EPHX3: variants seen among roughly 807,000 people sequenced by gnomAD.
The protein encoded by EPHX3 is abhydrolase domain containing 9.
A neutral mutation model predicts 40.2 loss-of-function variants in EPHX3; 39 were observed. That is an observed-to-expected ratio of 0.97 (90% CI 0.75 to 1.27). EPHX3 has a LOEUF of 1.27. Among genes scored for constraint, EPHX3 ranks in the 50% most tolerant of loss-of-function variants. The pLI, the probability that EPHX3 is intolerant of heterozygous loss-of-function variation, is 0.00. For synonymous variants in EPHX3, 213 were observed against 209.7 expected (o/e 1.02, Z -0.14); for missense variants, 442 against 474.0 (o/e 0.93, Z 0.63).
In EPHX3 at chr19:15,227,314, C is replaced by A. The variant is rs936566911; in HGVS notation, c.*123G>T. The stretch of plus-strand genomic sequence containing the variant: ...TTGTGTGGGATCCAGGAGTCCCATG[C>A]CTATGAGCGATTCAAGAGTTCACCC... On this transcript the variant is annotated 3_prime_UTR_variant, in exon 7 of 7. Coordinates refer to ENST00000221730, the MANE Select transcript of EPHX3 (RefSeq NM_024794.3). The A allele has an allele frequency of 3.7e-6, 3 of 804,298 alleles. No individual in the cohort carries two copies. The African/African-American group carries it at 5.1e-5, about 14-fold the overall frequency. 49.8% of individuals were successfully genotyped at this position (804,298 alleles called of 1,614,324 possible).
intron 1 of EPHX3, 24 bp from the exon 2 acceptor site, chr19:15,231,885 G>T (rs770499992): frequency 5.0e-6 from 8 of 1,613,426 alleles, no homozygotes; most frequent in Non-Finnish European, 5.9e-6. Context: ...ACAGCCTGAA[G>T]CCTGGGGAAC....
upstream of EPHX3, among the ~76,000 whole-genome samples, chr19:15,232,638 A>G (rs1727699470): frequency 6.6e-6 from 1 of 152,090 alleles, no homozygotes; most frequent in Admixed American, 6.5e-5. Context: ...GCACTTTGGT[A>G]GGCCGAGGCG....
rs2047118261 is a variant in EPHX3, at chr19:15,227,222, C to T, written c.*215G>A. On this transcript the variant is annotated 3_prime_UTR_variant, in exon 7 of 7. Transcript: ENST00000221730. ...TCCCAGGGTCAAAGTGTTTGTTACA[C>T]ACACATGCATCCATGCCTGTGTGTG... The T allele has an allele frequency of 1.7e-6, 1 of 576,224 alleles. No individual in the cohort carries two copies. The highest frequency in any genetic ancestry group is 3.1e-6 in the Non-Finnish European group (1 of 322,740). 35.7% of individuals were successfully genotyped at this position (576,224 alleles called of 1,614,324 possible).
At chr19:15,229,750 C>G (rs578157507) in intron 4 of EPHX3, among the ~76,000 whole-genome samples, 1 of 149,062 alleles carries the variant, frequency 6.7e-6, no homozygotes, top group Non-Finnish European at 1.5e-5. Flanking sequence ...AAAATTAGCC[C>G]GGCATGGTGG....
upstream of EPHX3, chr19:15,235,958 G>A (rs1232053652): frequency 2.0e-5 from 3 of 152,244 alleles, no homozygotes; most frequent in African/African-American, 7.2e-5. Flanking sequence ...ACAAAAATGA[G>A]TGGGTGGGAT....
intron 1 of EPHX3, 26 bp downstream of exon 1, chr19:15,231,943 C>A (rs750496667): frequency 8.7e-6 from 14 of 1,612,480 alleles, no homozygotes; most frequent in Non-Finnish European, 1.1e-5. Flanking sequence ...GACCCCGCAG[C>A]CCCGATAGCG....
At chr19:15,229,907 A>AAAAAAAAAAAAAC (rs1203339827) in intron 4 of EPHX3, among the ~76,000 whole-genome samples, 3 of 140,254 alleles carry the variant, frequency 2.1e-5, no homozygotes, top group African/African-American at 2.7e-5. Context: ...AAAAAAAAAA[A>AAAAAAAAAAAAAC]AAAAGAAAAG....
chr19:15,232,168 A>AGGCGCGAC lies in EPHX3; in HGVS notation c.36_43dup (p.Leu15ArgfsTer6). 1.3e-6 allele frequency: 2 copies of AGGCGCGAC among 1,524,792 alleles called. No homozygotes were observed. Among genetic ancestry groups the AGGCGCGAC allele is most frequent in the African/African-American group, 2.8e-5 (2 of 70,598 alleles). 94.5% of individuals were successfully genotyped at this position (1,524,792 alleles called of 1,614,324 possible). ...GAAGGCGCGCAGCAGCTTCAGCGACAGGCGCGACGGCGCCAGCAGCGCGGT... is the reference window on the plus strand; with the variant it reads ...GAAGGCGCGCAGCAGCTTCAGCGACAGGCGCGACGGCGCGACGGCGCCAGCAGCGCGGT... On this transcript the variant is annotated frameshift_variant, in exon 1 of 7. Transcript: ENST00000221730. LOFTEE classifies it high-confidence loss of function.
chr19:15,230,932 C>T, intron 4 of EPHX3, 30 bp downstream of exon 4: 2 of 1,611,280 alleles, frequency 1.2e-6, no homozygotes, highest in Non-Finnish European at 1.7e-6. Context: ...CACATAAGTA[C>T]ATCCCAGTGT....
At chr19:15,227,957 G>A (rs377436780) in intron 5 of EPHX3, 40 bp downstream of exon 5, 27 of 1,613,884 alleles carry the variant, frequency 1.7e-5, no homozygotes, top group Admixed American at 1.3e-4. Flanking sequence ...GCCCAGCCCC[G>A]ACCTGCTTCC....
At position 15,227,606 on chromosome 19, in the gene EPHX3, T is replaced by C. The variant is rs373027669; in HGVS notation, c.914A>G (p.Glu305Gly). The change falls in exon 7 of 7, where the codon GAG becomes GGG. Residue 305 changes from glutamate to glycine, a missense_variant. Coordinates refer to ENST00000221730, the MANE Select transcript of EPHX3 (RefSeq NM_024794.3). ...LTTPTLLLWG[E>G]KDTYLELGLV... is the part of the protein sequence containing the mutation. ...CCCCAGCTCCAAGTAAGTGTCCTTC[T>C]CCCCCCACAGCAGCAATGTGGGTGT... 11 of 1,613,728 alleles carry C rather than the reference T, an allele frequency of 6.8e-6. No homozygotes were observed. Among genetic ancestry groups the C allele is most frequent in the Non-Finnish European group, 9.3e-6 (11 of 1,179,996 alleles).
Position 15,227,854 on chromosome 19 carries a change from G to A in EPHX3, c.774C>T (p.Pro258=). Residue 258 remains proline (P), a synonymous_variant, in exon 6 of 7, where the codon CCC becomes CCT. Transcript: ENST00000221730. ...HRKTGIPCLT[P]SELEAFLYNF... is the part of the protein sequence containing the mutation. ...TATAAAGGAAGGCCTCGAGCTCGCTGGGGGTCAAGCATGGGATGCCTGTCT... is the reference window on the plus strand; with the variant it reads ...TATAAAGGAAGGCCTCGAGCTCGCTAGGGGTCAAGCATGGGATGCCTGTCT... 1 of 1,614,072 alleles carries A rather than the reference G, an allele frequency of 6.2e-7. No homozygotes were observed. Among genetic ancestry groups the A allele is most frequent in the South Asian group, 1.1e-5 (1 of 91,086 alleles).
chr19:15,227,154 C>T lies in EPHX3; in HGVS notation c.*283G>A, dbSNP rs1041947546. 16 of 431,650 alleles carry T rather than the reference C, an allele frequency of 3.7e-5. No homozygotes were observed. The Admixed American group carries it at 3.8e-4, about 10-fold the overall frequency. The allele number at this position is 431,650 out of a possible 1,614,324, so 26.7% of individuals were successfully genotyped here. ...CCAGGAAGGGAGGAGGTGGGACACT[C>T]GGTCTCGGCATCTGGCTCCACTGGA... On this transcript the variant is annotated 3_prime_UTR_variant, in exon 7 of 7. Transcript: ENST00000221730.
Position 15,227,279 on chromosome 19 carries a change from A to G in EPHX3, c.*158T>C. 6 of 643,926 alleles carry G rather than the reference A, an allele frequency of 9.3e-6. No homozygotes were observed. Among genetic ancestry groups the G allele is most frequent in the Non-Finnish European group, 1.6e-5 (6 of 363,990 alleles). The allele number at this position is 643,926 out of a possible 1,614,324, so 39.9% of individuals were successfully genotyped here. On this transcript the variant is annotated 3_prime_UTR_variant, in exon 7 of 7. Coordinates refer to ENST00000221730, the MANE Select transcript of EPHX3 (RefSeq NM_024794.3). Reference sequence around the variant, plus strand: ...GGGGTTGGTGTGTCCCGAGGCACCCATAGGTGCGCTTGTGTGGGATCCAGG... The same window carrying G: ...GGGGTTGGTGTGTCCCGAGGCACCCGTAGGTGCGCTTGTGTGGGATCCAGG...
At chr19:15,229,934 AAAC>A (rs1273841463) in intron 4 of EPHX3, among the ~76,000 whole-genome samples, 2 of 149,986 alleles carry the variant, frequency 1.3e-5, no homozygotes, top group East Asian at 3.9e-4. Context: ...AAAAGAAAAA[AAAC>A]AACAAAAGAG....
Position 15,231,880 on chromosome 19 carries a change from C to T in EPHX3, c.244-19G>A, listed in dbSNP as rs372500920. 3.1e-6 allele frequency: 5 copies of T among 1,613,430 alleles called. No homozygotes were observed. The African/African-American group carries it at 6.7e-5, about 22-fold the overall frequency. ...CCGAGCTCTAGGGGGAGGGCACAGC[C>T]TGAAGCCTGGGGAACCCTCTCTCCC... On this transcript the variant is annotated intron_variant, in intron 1 of 6. Coordinates refer to ENST00000221730, the MANE Select transcript of EPHX3 (RefSeq NM_024794.3).
In EPHX3 at chr19:15,232,170, G is replaced by C. The variant is rs771055251; in HGVS notation, c.42C>G (p.Arg14=). The change falls in exon 1 of 7, where the codon CGC becomes CGG. Residue 14 remains arginine (R), a synonymous_variant. Transcript: ENST00000221730. ...AGGCGCGCAGCAGCTTCAGCGACAG[G>C]CGCGACGGCGCCAGCAGCGCGGTCA... is the stretch of plus-strand genomic sequence containing the variant. ...LVVTALLAPS[R]LSLKLLRAFM... 1 of 1,524,170 alleles carries C rather than the reference G, an allele frequency of 6.6e-7. No individual in the cohort carries two copies. Among genetic ancestry groups the C allele is most frequent in the Non-Finnish European group, 8.7e-7 (1 of 1,143,320 alleles). The allele number at this position is 1,524,170 out of a possible 1,614,324, so 94.4% of individuals were successfully genotyped here. A position where few individuals can be genotyped will look rare whatever the true frequency, so the allele number is the denominator to read the frequency against.
chr19:15,231,933 G>A (rs935761590), intron 1 of EPHX3, 36 bp downstream of exon 1: 2 of 1,612,360 alleles, frequency 1.2e-6, no homozygotes, highest in Non-Finnish European at 1.7e-6. Context: ...GACCCCACGC[G>A]ACCCCGCAGC....
upstream of EPHX3, chr19:15,236,839 T>TA: frequency 5.5e-6 from 1 of 183,304 alleles, no homozygotes; most frequent in Non-Finnish European, 1.2e-5. Context: ...ACGCCAGCAT[T>TA]AAAAAAAGAG....
Sources: allele counts gnomAD v4.1 joint callset (sites outside exome capture counted in the v4.1 genomes callset), GRCh38; gene constraint gnomAD v4.1.1; transcripts MANE v1.5; gene names NCBI Gene and HGNC (gene_info 2026-07-23, HGNC 2026-07-21).